MECOM: variants seen among roughly 807,000 people sequenced by gnomAD.
MECOM encodes histone-lysine N-methyltransferase MECOM.
Under a neutral mutation model 116.3 loss-of-function variants are expected in MECOM, and 13 were observed. The ratio of observed to expected loss-of-function variants is 0.11; its 90% CI spans 0.07 to 0.18. The LOEUF (loss-of-function observed/expected upper bound fraction) is 0.18. MECOM is among the 10% of genes least tolerant of loss of function. The pLI is 1.00. For synonymous variants in MECOM, 528 were observed against 535.2 expected, an observed-to-expected ratio of 0.99 and a Z score of 0.19; for missense variants, 1,299 against 1,509.0, an observed-to-expected ratio of 0.86 and a Z score of 2.31.
intron 2 of MECOM, among the ~76,000 whole-genome samples, chr3:169,180,793 TGA>T (rs1745852329): frequency 1.4e-5 from 1 of 71,182 alleles, no homozygotes; most frequent in Non-Finnish European, 2.7e-5. Flanking sequence ...TGTGTGGAGA[TGA>T]TATATATATA....
intron 3 of MECOM, chr3:169,134,051 C>G: frequency 2.6e-6 from 2 of 772,370 alleles, no homozygotes; most frequent in Non-Finnish European, 3.8e-6. Flanking sequence ...CCCTACAAGA[C>G]AGTAAAACAG....
At chr3:169,295,182 T>C (rs1485717366) in intron 2 of MECOM, among the ~76,000 whole-genome samples, 1 of 152,212 alleles carries the variant, frequency 6.6e-6, no homozygotes, top group Non-Finnish European at 1.5e-5. Flanking sequence ...ACTTTCACCA[T>C]AGGATCTAGG....
At chr3:169,313,185 T>C (rs931439701) in intron 2 of MECOM, among the ~76,000 whole-genome samples, 14 of 152,184 alleles carry the variant, frequency 9.2e-5, no homozygotes, top group Non-Finnish European at 1.5e-4. Context: ...TAGTATAGAA[T>C]GAGGCCTGAG....
intron 1 of MECOM, among the ~76,000 whole-genome samples, chr3:169,433,691 G>GAAAGAAAGAAAGAAAGAAAGAA (rs1560269020): frequency 2.5e-5 from 3 of 121,922 alleles, no homozygotes; most frequent in African/African-American, 9.1e-5. Context: ...GAAAGAAAGA[G>GAAAGAAAGAAAGAAAGAAAGAA]AAAGAAAGAA....
At chr3:169,164,891 A>G (rs1743340467) in intron 2 of MECOM, among the ~76,000 whole-genome samples, 1 of 152,148 alleles carries the variant, frequency 6.6e-6, no homozygotes, top group African/African-American at 2.4e-5. Flanking sequence ...TACTTTTATC[A>G]TCAAAAAGCA....
intron 1 of MECOM, among the ~76,000 whole-genome samples, chr3:169,557,969 C>T (rs919727096): frequency 2.6e-5 from 4 of 152,146 alleles, no homozygotes; most frequent in African/African-American, 9.7e-5. Context: ...AAGTTATAAG[C>T]TAGTGAAATG....
chr3:169,430,945 A>G (rs1741518169), intron 1 of MECOM, among the ~76,000 whole-genome samples: 1 of 152,224 alleles, frequency 6.6e-6, no homozygotes, highest in Non-Finnish European at 1.5e-5. Flanking sequence ...CATTCTAAAT[A>G]AATCCCCCAG....
At chr3:169,356,736 G>A (rs1382311159) in intron 2 of MECOM, among the ~76,000 whole-genome samples, 3 of 151,870 alleles carry the variant, frequency 2.0e-5, no homozygotes, top group East Asian at 1.9e-4. Flanking sequence ...TGTCTAATCC[G>A]TAGGCCCTCA....
At chr3:169,416,331 AACAAAG>A (rs959678958) in intron 1 of MECOM, among the ~76,000 whole-genome samples, 1 of 152,238 alleles carries the variant, frequency 6.6e-6, no homozygotes, top group African/African-American at 2.4e-5. Flanking sequence ...AACCAATGAA[AACAAAG>A]ACACAATGTA....
At chr3:169,494,504 C>T (rs1019047860) in intron 1 of MECOM, among the ~76,000 whole-genome samples, 1 of 152,194 alleles carries the variant, frequency 6.6e-6, no homozygotes, top group Non-Finnish European at 1.5e-5. Context: ...AAAGATCAAA[C>T]TATTCTCAAG....
chr3:169,433,966 G>C (rs1159880495), intron 1 of MECOM, among the ~76,000 whole-genome samples: 1 of 151,956 alleles, frequency 6.6e-6, no homozygotes, highest in Non-Finnish European at 1.5e-5. Flanking sequence ...GAAAAAAAAG[G>C]GTTTATTCTT....
chr3:169,620,316 G>A (rs796546442), intron 1 of MECOM, among the ~76,000 whole-genome samples: 31 of 152,218 alleles, frequency 2.0e-4, no homozygotes, highest in African/African-American at 3.6e-4. Context: ...TGTTAATGAC[G>A]AAGGCCTTTA....
intron 1 of MECOM, among the ~76,000 whole-genome samples, chr3:169,650,485 G>A (rs183507799): frequency 1.3e-5 from 2 of 152,214 alleles, no homozygotes; most frequent in East Asian, 1.9e-4. Flanking sequence ...ATTGATTTCA[G>A]CTACAGCCTG....
chr3:169,316,051 A>G lies in MECOM; in HGVS notation c.375+65136T>C, dbSNP rs557587261. On this transcript the variant is annotated intron_variant, in intron 2 of 16. Coordinates refer to ENST00000651503, the MANE Select transcript of MECOM (RefSeq NM_004991.4). The stretch of plus-strand genomic sequence containing the variant: ...AAAATTAGAGTTTTAGAAACTAATT[A>G]AAAAACAATAGATTTAAATTGATGA... Among the ~76,000 whole-genome samples the G allele has an allele frequency of 1.1e-4, 16 of 152,366 alleles. No homozygotes were observed. The South Asian group carries it at 2.1e-3, about 20-fold the overall frequency.
chr3:169,287,045 C>T (rs1040150403), intron 2 of MECOM, among the ~76,000 whole-genome samples: 5 of 152,170 alleles, frequency 3.3e-5, no homozygotes, highest in Non-Finnish European at 7.3e-5. Context: ...GAATGCCAAA[C>T]CCCAGCTCGG....
intron 2 of MECOM, among the ~76,000 whole-genome samples, chr3:169,327,467 G>A (rs535580003): frequency 8.6e-5 from 13 of 151,838 alleles, no homozygotes; most frequent in Admixed American, 5.2e-4. Flanking sequence ...GAGAAACCCC[G>A]TCTGTACTAA....
chr3:169,352,983 C>T (rs1404309614), intron 2 of MECOM, among the ~76,000 whole-genome samples: 2 of 152,024 alleles, frequency 1.3e-5, no homozygotes, highest in East Asian at 1.9e-4. Flanking sequence ...CAAAACTATG[C>T]TGATGTGACT....
intron 1 of MECOM, among the ~76,000 whole-genome samples, chr3:169,559,064 ACAC>A (rs1448445349): frequency 6.6e-6 from 1 of 151,894 alleles, no homozygotes; most frequent in Non-Finnish European, 1.5e-5. Context: ...ACACACACAC[ACAC>A]AAGTATGCAT....
At chr3:169,363,769 G>T (rs1378965483) in intron 2 of MECOM, among the ~76,000 whole-genome samples, 2 of 151,744 alleles carry the variant, frequency 1.3e-5, no homozygotes, top group Admixed American at 6.6e-5. Context: ...GACTGAACAC[G>T]CAGTATATAA....
Sources: gnomAD v4.1 joint callset for allele counts (sites outside exome capture counted in the v4.1 genomes callset) on GRCh38, gnomAD v4.1.1 for gene constraint, MANE v1.5 for transcripts, NCBI Gene and HGNC (gene_info 2026-07-23, HGNC 2026-07-21) for gene names.